TNKS2: variants seen among roughly 807,000 people sequenced by gnomAD.
The protein encoded by TNKS2 is tankyrase 2.
TNKS2 carries 72 observed loss-of-function variants against 137.6 expected under a neutral mutation model. The observed-to-expected ratio is 0.52, with a 90% CI of 0.43 to 0.64. The LOEUF is 0.64. Ranked by LOEUF, TNKS2 falls within the 30% of genes least tolerant of loss-of-function variation. The probability of loss-of-function intolerance (pLI) is 0.00; values close to 1 mark genes in which losing one functional copy is unlikely to be tolerated. For missense variants in TNKS2, 1,049 were observed against 1,410.2 expected (o/e 0.74, Z 4.10); for synonymous variants, 516 against 512.1 (o/e 1.01, Z -0.10).
At chr10:91,830,099 T>C (rs1448846502) in intron 9 of TNKS2, among the ~76,000 whole-genome samples, 1 of 152,204 alleles carries the variant, frequency 6.6e-6, no homozygotes, top group African/African-American at 2.4e-5. Context: ...GCAGAGGTAA[T>C]GCATGCTCCT....
rs550945407 is a variant in TNKS2, at chr10:91,832,802, AT to A, written c.1276-1041del. On this transcript the variant is annotated intron_variant, in intron 11 of 26. Transcript: ENST00000371627. ...TAACGTTGGTGGAGTCTTACAGGTG[AT>A]TTTTTTTTTATTGTGAAAAATTTCA... 5.3e-5 allele frequency among the ~76,000 whole-genome samples: 8 copies of A among 149,680 alleles called. No individual in the cohort carries two copies. The East Asian group carries it at 5.9e-4, about 11-fold the overall frequency.
At position 91,828,325 on chromosome 10, in the gene TNKS2, A is replaced by C; in HGVS notation, c.1023A>C (p.Glu341Asp). Residue 341 changes from glutamate to aspartate, a missense_variant, in exon 9 of 27, where the codon GAA (glutamate) becomes GAC (aspartate). Physicochemically the swap from Glu to Asp is conservative, Grantham distance 45 (BLOSUM62 2). This residue lies in a region of TNKS2 where 374 missense variants were observed against 460.8 expected (regional missense o/e 0.81). Coordinates refer to ENST00000371627, the MANE Select transcript of TNKS2 (RefSeq NM_025235.4). ...KGHSLLQAAR[E>D]ADVTRIKKHL... ...ACTCGTTGCTGCAAGCTGCACGAGAAGCTGATGTTACTCGAATCAAAAAAC... is the reference window on the plus strand; with the variant it reads ...ACTCGTTGCTGCAAGCTGCACGAGACGCTGATGTTACTCGAATCAAAAAAC... 1 of 1,607,632 alleles carries C rather than the reference A, an allele frequency of 6.2e-7. No homozygotes were observed. Among genetic ancestry groups the C allele is most frequent in the South Asian group, 1.1e-5 (1 of 89,710 alleles).
chr10:91,859,256 C>A (rs1842791481), intron 24 of TNKS2, among the ~76,000 whole-genome samples: 1 of 152,156 alleles, frequency 6.6e-6, no homozygotes, highest in Non-Finnish European at 1.5e-5. Flanking sequence ...AGCACATAAA[C>A]CAGCACTCTG....
chr10:91,858,304 T>C (rs1003531339), intron 24 of TNKS2, among the ~76,000 whole-genome samples: 3 of 152,200 alleles, frequency 2.0e-5, no homozygotes, highest in African/African-American at 7.2e-5. Flanking sequence ...GCACTCCTTA[T>C]TCCAAAACCC....
chr10:91,859,422 T>C (rs767011827), intron 24 of TNKS2, 40 bp from the exon 25 acceptor site: 2 of 1,388,484 alleles, frequency 1.4e-6, no homozygotes, highest in Non-Finnish European at 1.9e-6. Flanking sequence ...TATTCTAAGA[T>C]AAATTTTAAA....
chr10:91,817,074 T>C, intron 2 of TNKS2, 60 bp from the exon 3 acceptor site: 1 of 1,202,232 alleles, frequency 8.3e-7, no homozygotes, highest in Non-Finnish European at 1.2e-6. Flanking sequence ...GAAAATGATT[T>C]ACTAAAATCA....
At chr10:91,847,429 A>G (rs1248476506) in intron 18 of TNKS2, among the ~76,000 whole-genome samples, 1 of 152,096 alleles carries the variant, frequency 6.6e-6, no homozygotes, top group Non-Finnish European at 1.5e-5. Context: ...CAGTGGCACA[A>G]TCTGGGCTCA....
intron 1 of TNKS2, among the ~76,000 whole-genome samples, chr10:91,811,295 C>T (rs1324576492): frequency 1.3e-5 from 2 of 151,660 alleles, no homozygotes; most frequent in Non-Finnish European, 2.9e-5. Context: ...CAGGACCCTT[C>T]CTTGCTCATC....
rs536193293 is a variant in TNKS2 at position 91,800,264 on chromosome 10, A to G, written c.199+1375A>G. 1.5e-3 allele frequency among the ~76,000 whole-genome samples: 236 copies of G among 152,328 alleles called. 1 individual carries two copies. Among genetic ancestry groups the G allele is most frequent in the Non-Finnish European group, 2.9e-3 (195 of 68,028 alleles). On this transcript the variant is annotated intron_variant, in intron 1 of 26. Coordinates refer to ENST00000371627, the MANE Select transcript of TNKS2 (RefSeq NM_025235.4). ...TGGTAAGTGCTGCCGTTCTTCAGCT[A>G]ATTTAGGTTGTCCTGTTTGACCATG... is the stretch of plus-strand genomic sequence containing the variant.
At chr10:91,813,891 G>T (rs767079653) in intron 2 of TNKS2, among the ~76,000 whole-genome samples, 1 of 152,054 alleles carries the variant, frequency 6.6e-6, no homozygotes, top group Non-Finnish European at 1.5e-5. Flanking sequence ...GGTGATGCTG[G>T]GTTAACCTAG....
At chr10:91,855,530 C>A in intron 22 of TNKS2, 84 bp from the exon 23 acceptor site, 1 of 1,038,696 alleles carries the variant, frequency 9.6e-7, no homozygotes, top group Admixed American at 2.5e-5. Context: ...AAAATAGAAT[C>A]AGACGAGTCA....
intron 1 of TNKS2, among the ~76,000 whole-genome samples, chr10:91,810,546 A>G (rs2133595935): frequency 6.6e-6 from 1 of 151,498 alleles, no homozygotes; most frequent in East Asian, 2.0e-4. Flanking sequence ...TCTGTCTCCC[A>G]GGCTGGAGTG....
At chr10:91,842,820 T>G (rs1031540342) in intron 16 of TNKS2, among the ~76,000 whole-genome samples, 2 of 152,168 alleles carry the variant, frequency 1.3e-5, no homozygotes, top group African/African-American at 4.8e-5. Context: ...ATGCCACCAT[T>G]ATACTCTTCA....
chr10:91,824,382 C>G (rs1845001324), intron 7 of TNKS2, among the ~76,000 whole-genome samples: 1 of 152,172 alleles, frequency 6.6e-6, no homozygotes, highest in African/African-American at 2.4e-5. Context: ...ACAAAGCATT[C>G]AAATAATGAA....
At chr10:91,799,313 TGAA>T (rs1844080588) in intron 1 of TNKS2, among the ~76,000 whole-genome samples, 1 of 152,220 alleles carries the variant, frequency 6.6e-6, no homozygotes, top group East Asian at 1.9e-4. Flanking sequence ...GTTAAGGTCT[TGAA>T]GGACTTTGTA....
rs927429029 is a variant in TNKS2 at position 91,798,519 on chromosome 10, G to A, written c.-172G>A. ...GCCGGGGGGCAGGGAGCCCAGCGAG[G>A]GGCGCGCGTGGGCGCGGCCATGGGA... On this transcript the variant is annotated 5_prime_UTR_variant, in exon 1 of 27. Coordinates refer to ENST00000371627, the MANE Select transcript of TNKS2 (RefSeq NM_025235.4). 46 of 733,158 alleles carry A rather than the reference G, an allele frequency of 6.3e-5. No individual in the cohort carries two copies. The African/African-American group carries it at 8.1e-4, about 13-fold the overall frequency. 45.4% of individuals were successfully genotyped at this position (733,158 alleles called of 1,614,324 possible).
Position 91,813,089 on chromosome 10 carries a change from T to C in TNKS2, c.306T>C (p.Gly102=), listed in dbSNP as rs550929875. 8.1e-6 allele frequency: 13 copies of C among 1,614,132 alleles called. No individual in the cohort carries two copies. The South Asian group carries it at 1.3e-4, about 16-fold the overall frequency. Residue 102 remains glycine, a synonymous_variant, in exon 2 of 27, where the codon GGT becomes GGC. Coordinates refer to ENST00000371627, the MANE Select transcript of TNKS2 (RefSeq NM_025235.4). ...LIPLHNACSF[G]HAEVVNLLLR... is the part of the protein sequence containing the mutation. ...CTCTTCATAATGCATGCTCTTTTGG[T>C]CATGCTGAAGTAGTCAATCTCCTTT...
intron 1 of TNKS2, among the ~76,000 whole-genome samples, chr10:91,811,317 A>G (rs1430548380): frequency 6.9e-6 from 1 of 144,590 alleles, no homozygotes; most frequent in Non-Finnish European, 1.5e-5. Context: ...CCTTTCCCTC[A>G]CCTCTCCCTC....
In TNKS2 at chr10:91,838,930, C is replaced by T. The variant is rs148340918; in HGVS notation, c.1528-1631C>T. Among the ~76,000 whole-genome samples, 91 of 152,254 alleles carry T rather than the reference C, an allele frequency of 6.0e-4. No homozygotes were observed. In the East Asian group the frequency reaches 0.015, roughly 25 times the overall value. On this transcript the variant is annotated intron_variant, in intron 13 of 26. Transcript: ENST00000371627. ...TTGCCCAGGCTGGAGTGCAATTGCA[C>T]GATCTCGGCTCACAGCAACCTCCAC...
Sources: allele counts gnomAD v4.1 joint callset (sites outside exome capture counted in the v4.1 genomes callset), GRCh38; gene constraint gnomAD v4.1.1; regional missense constraint gnomAD v4.1.1; transcripts MANE v1.5; gene names NCBI Gene and HGNC (gene_info 2026-07-23, HGNC 2026-07-21).